STK32C: variants seen among roughly 807,000 people sequenced by gnomAD.
STK32C encodes the protein serine/threonine-protein kinase 32C.
A neutral mutation model predicts 56.5 loss-of-function variants in STK32C; 31 were observed. The ratio of observed to expected loss-of-function variants is 0.55; its 90% CI spans 0.41 to 0.74. The LOEUF is 0.74. STK32C is among the 30% of genes least tolerant of loss of function. The pLI, the probability that STK32C is intolerant of heterozygous loss-of-function variation, is 0.00. For missense variants in STK32C, 544 were observed against 676.9 expected, an observed-to-expected ratio of 0.80 and a Z score of 2.18; for synonymous variants, 309 against 289.4, an observed-to-expected ratio of 1.07 and a Z score of -0.69.
intron 1 of STK32C, among the ~76,000 whole-genome samples, chr10:132,251,504 A>AG (rs375018100): frequency 3.9e-5 from 6 of 152,072 alleles, no homozygotes; most frequent in African/African-American, 1.2e-4. Flanking sequence ...GGCCCTGGGA[A>AG]GGGGGGGCAT....
At chr10:132,290,102 C>T (rs1361990634) in intron 1 of STK32C, among the ~76,000 whole-genome samples, 1 of 152,206 alleles carries the variant, frequency 6.6e-6, no homozygotes. Flanking sequence ...AAGATACCAG[C>T]CGGCCACCCT....
Position 132,307,893 on chromosome 10 carries a change from G to C in STK32C, c.-60C>G. The C allele has an allele frequency of 6.2e-6, 7 of 1,133,172 alleles. No homozygotes were observed. Among genetic ancestry groups the C allele is most frequent in the Non-Finnish European group, 7.6e-6 (7 of 919,718 alleles). The allele number at this position is 1,133,172 out of a possible 1,614,324, so 70.2% of individuals were successfully genotyped here. ...GGGGCATGGCCGGCCGGCAGGGCCG[G>C]GAGCGGCAGTGGTAGCGGGAGCGCT... On this transcript the variant is annotated 5_prime_UTR_variant, in exon 1 of 12. Transcript: ENST00000298630. The surrounding 1 kb of genome is among the most constrained non-coding windows in gnomAD (Gnocchi z 4.4).
At chr10:132,219,818 G>A (rs1447278494) in intron 10 of STK32C, among the ~76,000 whole-genome samples, 1 of 152,146 alleles carries the variant, frequency 6.6e-6, no homozygotes, top group Admixed American at 6.5e-5. Context: ...GTGAGGAGGG[G>A]ACTGACACCC....
At chr10:132,323,366 G>A (rs1331381348), downstream of STK32C, among the ~76,000 whole-genome samples, 2 of 152,204 alleles carry the variant, frequency 1.3e-5, no homozygotes, top group Non-Finnish European at 2.9e-5. The surrounding 1 kb of genome is among the most constrained non-coding windows in gnomAD (Gnocchi z 4.8). Context: ...GGACTGAATA[G>A]TGCCATCACT....
intron 1 of STK32C, among the ~76,000 whole-genome samples, chr10:132,261,094 G>A (rs1460921349): frequency 6.6e-6 from 1 of 152,186 alleles, no homozygotes; most frequent in African/African-American, 2.4e-5. Flanking sequence ...CCATGGGGAG[G>A]ACTCGGGGAC....
At chr10:132,317,340 T>C (rs1438388075) in intron 1 of STK32C, among the ~76,000 whole-genome samples, 1 of 152,182 alleles carries the variant, frequency 6.6e-6, no homozygotes. Flanking sequence ...CAAGAGTTAT[T>C]ACATGTGACA....
chr10:132,267,151 C>T (rs1305164523), intron 1 of STK32C, among the ~76,000 whole-genome samples: 1 of 151,952 alleles, frequency 6.6e-6, no homozygotes, highest in East Asian at 1.9e-4. Context: ...GACACGTGGG[C>T]CCTGGGCTCA....
At chr10:132,235,400 G>A (rs1036665598) in intron 2 of STK32C, among the ~76,000 whole-genome samples, 6 of 143,996 alleles carry the variant, frequency 4.2e-5, no homozygotes, top group Non-Finnish European at 6.0e-5. Context: ...GGAGGCTGAG[G>A]CAGGGGAATC....
At chr10:132,312,402 T>A (rs757768289), upstream of STK32C, among the ~76,000 whole-genome samples, 3 of 152,194 alleles carry the variant, frequency 2.0e-5, no homozygotes, top group Non-Finnish European at 4.4e-5. Context: ...CAAGACTCAT[T>A]ATCTAAATCA....
exon 2 of STK32C, chr10:132,324,127 A>AC: frequency 1.5e-6 from 1 of 669,404 alleles, no homozygotes; most frequent in Non-Finnish European, 2.7e-6. Flanking sequence ...CTCCAATCAC[A>AC]GCAGCTGGGA....
chr10:132,308,193 G>A (rs190583653), upstream of STK32C, among the ~76,000 whole-genome samples: 44 of 152,244 alleles, frequency 2.9e-4, no homozygotes, highest in Middle Eastern at 6.8e-3. Context: ...TCTAGGGATG[G>A]GGGCTGTGGT....
At chr10:132,322,092 AGTTGAGTGAGT>A (rs2066421504), downstream of STK32C, among the ~76,000 whole-genome samples, 1 of 152,216 alleles carries the variant, frequency 6.6e-6, no homozygotes, top group Non-Finnish European at 1.5e-5. Flanking sequence ...TGCTGGTGCC[AGTTGAGTGAGT>A]GTAAGACTCA....
intron 1 of STK32C, among the ~76,000 whole-genome samples, chr10:132,317,967 C>CAAAAAAAA (rs1223040750): frequency 3.6e-5 from 2 of 55,574 alleles, no homozygotes; most frequent in Non-Finnish European, 7.7e-5. Context: ...GACTCTGTCT[C>CAAAAAAAA]AAAAAAAAAA....
chr10:132,315,532 T>C (rs868594194), intron 1 of STK32C, among the ~76,000 whole-genome samples: 81 of 152,146 alleles, frequency 5.3e-4, no homozygotes, highest in Non-Finnish European at 1.9e-4. Flanking sequence ...ATCCCAAATA[T>C]GTATGCGCCT....
At chr10:132,232,920 A>G (rs1363452159) in intron 2 of STK32C, among the ~76,000 whole-genome samples, 4 of 152,202 alleles carry the variant, frequency 2.6e-5, no homozygotes, top group African/African-American at 4.8e-5. Context: ...CATTTGGCAG[A>G]TTTAAGTGAT....
chr10:132,330,419 C>A, intron 1 of STK32C: 1 of 717,210 alleles, frequency 1.4e-6, no homozygotes, highest in East Asian at 2.7e-5. Flanking sequence ...CTCATTCTCT[C>A]CTTGCTCTGC....
chr10:132,227,770 C>A (rs1240630597), intron 3 of STK32C, among the ~76,000 whole-genome samples: 3 of 152,150 alleles, frequency 2.0e-5, no homozygotes, highest in Non-Finnish European at 4.4e-5. Flanking sequence ...CATTAACCAA[C>A]CCCAGCATGT....
chr10:132,316,746 A>G (rs954820241), intron 1 of STK32C, among the ~76,000 whole-genome samples: 6 of 152,336 alleles, frequency 3.9e-5, no homozygotes, highest in African/African-American at 1.4e-4. Context: ...AAAGGCTATC[A>G]TTCTAGAATC....
At chr10:132,292,104 C>T (rs1416666513) in intron 1 of STK32C, among the ~76,000 whole-genome samples, 1 of 152,194 alleles carries the variant, frequency 6.6e-6, no homozygotes, top group African/African-American at 2.4e-5. Flanking sequence ...CCAGTCAGCA[C>T]TGGGCCTCAA....
Sources: allele counts gnomAD v4.1 joint callset (sites outside exome capture counted in the v4.1 genomes callset), GRCh38; gene constraint gnomAD v4.1.1; non-coding constraint Gnocchi (gnomAD v3.1); transcripts MANE v1.5; gene names NCBI Gene and HGNC (gene_info 2026-07-23, HGNC 2026-07-21).